The following GNA12 variants were observed in gnomAD, a reference collection of about 807,000 sequenced individuals.
The protein encoded by GNA12 is guanine nucleotide-binding protein subunit alpha-12.
A neutral mutation model predicts 26.0 loss-of-function variants in GNA12; 9 were observed. The observed-to-expected ratio is 0.35, with a 90% confidence interval of 0.21 to 0.60. The LOEUF (loss-of-function observed/expected upper bound fraction) is 0.60. Ranked by LOEUF, GNA12 falls within the 20% of genes least tolerant of loss-of-function variation. GNA12 has a pLI of 0.78. For synonymous variants in GNA12, 264 were observed against 219.6 expected (o/e 1.20, Z -1.79); for missense variants, 405 against 525.8 (o/e 0.77, Z 2.25).
intron 1 of GNA12, among the ~76,000 whole-genome samples, chr7:2,795,796 G>C (rs1004239511): frequency 1.3e-5 from 2 of 149,796 alleles, no homozygotes; most frequent in African/African-American, 4.9e-5. Flanking sequence ...GGAAAATGAA[G>C]TGTATCAGTA....
intron 2 of GNA12, among the ~76,000 whole-genome samples, chr7:2,781,793 T>G (rs536733175): frequency 9.8e-5 from 15 of 152,298 alleles, no homozygotes; most frequent in African/African-American, 3.6e-4. Flanking sequence ...GTCCATGTTA[T>G]TCTTCATCAA....
intron 2 of GNA12, among the ~76,000 whole-genome samples, chr7:2,784,644 CTTTAA>C (rs1311098878): frequency 6.6e-6 from 1 of 152,204 alleles, no homozygotes; most frequent in Non-Finnish European, 1.5e-5. Flanking sequence ...TTCACCATGA[CTTTAA>C]TTTATGTTTC....
chr7:2,837,371 C>A (rs1404730261), intron 1 of GNA12, among the ~76,000 whole-genome samples: 1 of 152,186 alleles, frequency 6.6e-6, no homozygotes, highest in Non-Finnish European at 1.5e-5. Context: ...GTGCTAACAG[C>A]CGTATGTCAG....
rs543055865 is a variant in GNA12 at position 2,741,128 on chromosome 7, A to T, written c.526-7627T>A. ...ATTCTTCATTTGTATCACAGGGATC[A>T]TCATAGAAAAATGAGCTAGAAAGAA... On this transcript the variant is annotated intron_variant, in intron 2 of 3. Coordinates refer to ENST00000275364, the MANE Select transcript of GNA12 (RefSeq NM_007353.3). Among the ~76,000 whole-genome samples, 8 of 152,348 alleles carry T rather than the reference A, an allele frequency of 5.3e-5. No homozygotes were observed. In the South Asian group the frequency reaches 1.7e-3, roughly 32 times the overall value.
At chr7:2,814,420 T>A in intron 1 of GNA12, 1 of 1,267,766 alleles carries the variant, frequency 7.9e-7, no homozygotes, top group Middle Eastern at 1.9e-4. Flanking sequence ...ATTCCTATAA[T>A]CTGAATTAAA....
At chr7:2,835,929 C>T (rs1049576508) in intron 1 of GNA12, 23 of 533,000 alleles carry the variant, frequency 4.3e-5, no homozygotes, top group Non-Finnish European at 8.2e-5. Context: ...CCTTAGAATC[C>T]AAAGTCGAAG....
chr7:2,815,149 A>G (rs912360705), intron 1 of GNA12: 25 of 652,958 alleles, frequency 3.8e-5, no homozygotes, highest in Middle Eastern at 2.6e-4. Context: ...GGAGCAATAC[A>G]AAAAGCAAGT....
intron 2 of GNA12, among the ~76,000 whole-genome samples, chr7:2,735,198 G>C (rs1402172372): frequency 2.0e-5 from 3 of 152,182 alleles, no homozygotes; most frequent in Non-Finnish European, 4.4e-5. Context: ...GGCCTCGGGA[G>C]GTGCCACGCA....
chr7:2,816,403 G>T (rs1449370408), intron 1 of GNA12, among the ~76,000 whole-genome samples: 4 of 152,078 alleles, frequency 2.6e-5, no homozygotes, highest in African/African-American at 9.7e-5. Context: ...GCTAATTTTT[G>T]TATTTTTTAG....
chr7:2,814,013 C>T (rs554629405), intron 1 of GNA12, among the ~76,000 whole-genome samples: 34 of 152,274 alleles, frequency 2.2e-4, no homozygotes, highest in Non-Finnish European at 4.4e-4. Context: ...CCTGCCTCGC[C>T]GCCGGAGCTT....
rs1049481827 is a variant in GNA12 at position 2,731,824 on chromosome 7, C to G, written c.577-74G>C. On this transcript the variant is annotated intron_variant, in intron 3 of 3. Transcript: ENST00000275364. The surrounding 1 kb of genome is among the most constrained non-coding windows in gnomAD (Gnocchi z 6.0). ...AGAGAAAATAGAAACAAAAAGATGG[C>G]AAAAAGATAAGAAGGAAAGAGACTG... 1.9e-5 allele frequency: 15 copies of G among 776,100 alleles called. No homozygotes were observed. The African/African-American group carries it at 2.2e-4, about 12-fold the overall frequency. The allele number at this position is 776,100 out of a possible 1,614,324, so 48.1% of individuals were successfully genotyped here. A position where few individuals can be genotyped will look rare whatever the true frequency, so the allele number is the denominator to read the frequency against.
At chr7:2,732,050 C>CT (rs1583203598) in intron 3 of GNA12, among the ~76,000 whole-genome samples, 1 of 152,318 alleles carries the variant, frequency 6.6e-6, no homozygotes, top group East Asian at 1.9e-4. Context: ...AATTTACCAT[C>CT]TTTTTTGTTT....
At chr7:2,820,940 T>C (rs1404816264) in intron 1 of GNA12, among the ~76,000 whole-genome samples, 1 of 152,214 alleles carries the variant, frequency 6.6e-6, no homozygotes, top group Non-Finnish European at 1.5e-5. Context: ...GGGATCTCAC[T>C]ATGTTGCTCA....
In GNA12 at chr7:2,820,316, C is replaced by T. The variant is rs139081828; in HGVS notation, c.309+23537G>A. 2.9e-3 allele frequency among the ~76,000 whole-genome samples: 437 copies of T among 151,486 alleles called. 3 individuals are homozygous for T. The highest frequency in any genetic ancestry group is 0.01 in the Middle Eastern group (3 of 290). ...AAAATTGACTGTGGTGATGGCTGCA[C>T]AGCTCTGTAAATAGACTGAAGTCCA... is the stretch of plus-strand genomic sequence containing the variant. On this transcript the variant is annotated intron_variant, in intron 1 of 3. Transcript: ENST00000275364.
At chr7:2,735,454 GAC>G (rs58437122) in intron 2 of GNA12, among the ~76,000 whole-genome samples, 24,749 of 152,094 alleles carry the variant, frequency 0.16, 2,302 homozygotes, top group Middle Eastern at 0.27. Context: ...CAAAGCCCTG[GAC>G]ACACGTGCTC....
chr7:2,812,648 CAT>C (rs1793110524), intron 1 of GNA12, among the ~76,000 whole-genome samples: 1 of 85,728 alleles, frequency 1.2e-5, no homozygotes, highest in African/African-American at 3.4e-5. Context: ...CATCACATCA[CAT>C]CACATCACAT....
intron 2 of GNA12, among the ~76,000 whole-genome samples, chr7:2,794,091 T>C (rs1792588509): frequency 6.6e-6 from 1 of 152,120 alleles, no homozygotes; most frequent in Admixed American, 6.6e-5. Context: ...CACAGAAGCA[T>C]ATATACTATA....
chr7:2,802,277 A>T (rs1202756406), intron 1 of GNA12, among the ~76,000 whole-genome samples: 1 of 151,850 alleles, frequency 6.6e-6, no homozygotes, highest in Non-Finnish European at 1.5e-5. Flanking sequence ...ATCTCAATAC[A>T]ATGTCACACT....
chr7:2,818,592 G>A (rs995010124), intron 1 of GNA12, among the ~76,000 whole-genome samples: 2 of 152,058 alleles, frequency 1.3e-5, no homozygotes, highest in African/African-American at 4.8e-5. Context: ...GTGAAACCCC[G>A]ACTCTAATAA....
Sources: allele counts gnomAD v4.1 joint callset (sites outside exome capture counted in the v4.1 genomes callset), GRCh38; gene constraint gnomAD v4.1.1; non-coding constraint Gnocchi (gnomAD v3.1); transcripts MANE v1.5; gene names NCBI Gene and HGNC (gene_info 2026-07-23, HGNC 2026-07-21).